The following LRRTM4 variants were observed in gnomAD, a reference collection of about 807,000 sequenced individuals.
The protein encoded by LRRTM4 is leucine-rich repeat transmembrane neuronal protein 4.
In LRRTM4, 25 loss-of-function variants were observed where a neutral mutation model predicts 47.6. That is an observed-to-expected ratio of 0.53 (90% confidence interval 0.38 to 0.73). The LOEUF (loss-of-function observed/expected upper bound fraction) is 0.73. Among genes scored for constraint, LRRTM4 ranks in the 30% least tolerant of loss-of-function variants. LRRTM4 has a pLI of 0.00. For missense variants in LRRTM4, 638 were observed against 713.4 expected, an observed-to-expected ratio of 0.89 and a Z score of 1.20; for synonymous variants, 311 against 269.5, an observed-to-expected ratio of 1.15 and a Z score of -1.51.
intron 3 of LRRTM4, among the ~76,000 whole-genome samples, chr2:77,489,656 T>C (rs1449289850): frequency 6.6e-6 from 1 of 152,206 alleles, no homozygotes; most frequent in Non-Finnish European, 1.5e-5. Context: ...TTTAAAGCAA[T>C]TAGTAATGTT....
chr2:76,766,423 A>G (rs1204282167), intron 3 of LRRTM4, among the ~76,000 whole-genome samples: 1 of 152,182 alleles, frequency 6.6e-6, no homozygotes, highest in Non-Finnish European at 1.5e-5. Context: ...CCAAAGGACC[A>G]CGACTACTGA....
At chr2:77,517,044 C>T in intron 3 of LRRTM4, 1 of 984,754 alleles carries the variant, frequency 1.0e-6, no homozygotes, top group South Asian at 4.7e-5. Context: ...CATTATATTG[C>T]CAGAATTTAA....
intron 3 of LRRTM4, among the ~76,000 whole-genome samples, chr2:77,461,162 AG>A (rs1676773194): frequency 6.6e-6 from 1 of 151,668 alleles, no homozygotes; most frequent in Non-Finnish European, 1.5e-5. Context: ...AGAGAGAGAG[AG>A]AGAGAGTTCT....
chr2:77,393,726 A>G (rs1673592651), intron 3 of LRRTM4, among the ~76,000 whole-genome samples: 1 of 151,942 alleles, frequency 6.6e-6, no homozygotes, highest in Non-Finnish European at 1.5e-5. Context: ...GGCTACTGAA[A>G]TTGTTAGGGA....
At chr2:77,465,204 GTATC>G (rs1676938828) in intron 3 of LRRTM4, among the ~76,000 whole-genome samples, 1 of 151,976 alleles carries the variant, frequency 6.6e-6, no homozygotes, top group Non-Finnish European at 1.5e-5. Flanking sequence ...ATAATATATA[GTATC>G]TATCTATTAA....
At chr2:77,469,244 G>A (rs1357301299) in intron 3 of LRRTM4, among the ~76,000 whole-genome samples, 4 of 152,236 alleles carry the variant, frequency 2.6e-5, no homozygotes, top group Non-Finnish European at 2.9e-5. Context: ...AAAGGAAGCA[G>A]CAAGCGTTTG....
chr2:76,753,308 A>G (rs1183769010), intron 3 of LRRTM4, among the ~76,000 whole-genome samples: 1 of 152,188 alleles, frequency 6.6e-6, no homozygotes, highest in East Asian at 1.9e-4. Flanking sequence ...GAAGGAATAC[A>G]CTGAAGGGCC....
At chr2:77,313,961 G>A (rs1407274825) in intron 3 of LRRTM4, among the ~76,000 whole-genome samples, 5 of 152,128 alleles carry the variant, frequency 3.3e-5, no homozygotes, top group South Asian at 2.1e-4. Flanking sequence ...ATGAAGACAC[G>A]TTGCAATGGG....
At chr2:77,004,860 A>C (rs1677576478) in intron 3 of LRRTM4, among the ~76,000 whole-genome samples, 1 of 152,122 alleles carries the variant, frequency 6.6e-6, no homozygotes, top group African/African-American at 2.4e-5. Flanking sequence ...CATGGAGTCA[A>C]AGATTATTTC....
intron 3 of LRRTM4, among the ~76,000 whole-genome samples, chr2:76,956,736 T>C (rs1675687441): frequency 1.3e-5 from 2 of 150,120 alleles, no homozygotes; most frequent in Non-Finnish European, 3.0e-5. Context: ...TCAAAATAAA[T>C]AAATTCAGAA....
intron 3 of LRRTM4, among the ~76,000 whole-genome samples, chr2:76,866,772 T>C (rs1280787496): frequency 1.3e-5 from 2 of 152,190 alleles, no homozygotes; most frequent in African/African-American, 4.8e-5. Flanking sequence ...TGGTTCCTAG[T>C]CTTTGCTATT....
At chr2:76,777,079 C>T (rs1335144674) in intron 3 of LRRTM4, among the ~76,000 whole-genome samples, 24 of 140,452 alleles carry the variant, frequency 1.7e-4, no homozygotes, top group African/African-American at 6.1e-4. Flanking sequence ...AGATACGCGG[C>T]ATTATTTCTG....
chr2:77,069,786 T>C (rs752143636), intron 3 of LRRTM4, among the ~76,000 whole-genome samples: 28 of 152,192 alleles, frequency 1.8e-4, no homozygotes, highest in Non-Finnish European at 3.7e-4. Context: ...CTCTGGAATA[T>C]ATAGTAGTTT....
intron 3 of LRRTM4, among the ~76,000 whole-genome samples, chr2:76,754,669 G>T (rs1454186710): frequency 6.6e-6 from 1 of 152,070 alleles, no homozygotes; most frequent in East Asian, 1.9e-4. Context: ...GTTATTTCTA[G>T]CACCCCTCAC....
chr2:77,298,889 T>C (rs185204973), intron 3 of LRRTM4, among the ~76,000 whole-genome samples: 1 of 152,320 alleles, frequency 6.6e-6, no homozygotes, highest in Non-Finnish European at 1.5e-5. Flanking sequence ...TTTTTCTTAC[T>C]ACTAACTGTA....
At chr2:76,829,336 G>A (rs1671270896) in intron 3 of LRRTM4, among the ~76,000 whole-genome samples, 1 of 151,956 alleles carries the variant, frequency 6.6e-6, no homozygotes, top group Non-Finnish European at 1.5e-5. Flanking sequence ...GGGAGGAGAT[G>A]CAAGGTAAGT....
chr2:77,245,083 G>A (rs898355377), intron 3 of LRRTM4, among the ~76,000 whole-genome samples: 1 of 152,058 alleles, frequency 6.6e-6, no homozygotes, highest in Non-Finnish European at 1.5e-5. Context: ...TTGTTTTGTT[G>A]TACCAACATA....
At chr2:76,907,528 C>A (rs1332673806) in intron 3 of LRRTM4, among the ~76,000 whole-genome samples, 8 of 146,634 alleles carry the variant, frequency 5.5e-5, no homozygotes, top group African/African-American at 7.6e-5. Flanking sequence ...CACAAAAAAC[C>A]CTTCAAAAAG....
At chr2:77,278,933 T>G (rs1377077763) in intron 3 of LRRTM4, among the ~76,000 whole-genome samples, 2 of 151,986 alleles carry the variant, frequency 1.3e-5, no homozygotes, top group African/African-American at 4.8e-5. Flanking sequence ...ACCATGAGAC[T>G]TTACACATCT....
Sources: gnomAD v4.1 joint callset for allele counts (sites outside exome capture counted in the v4.1 genomes callset) on GRCh38, gnomAD v4.1.1 for gene constraint, MANE v1.5 for transcripts, NCBI Gene and HGNC (gene_info 2026-07-23, HGNC 2026-07-21) for gene names.